Variants in TGM5 observed in about 807,000 individuals in gnomAD.
TGM5 encodes protein-glutamine gamma-glutamyltransferase 5.
TGM5 carries 69 observed loss-of-function variants against 77.2 expected under a neutral mutation model. That is an observed-to-expected ratio of 0.89 (90% confidence interval 0.74 to 1.09). The LOEUF (loss-of-function observed/expected upper bound fraction) is 1.09, where lower values mean the gene tolerates loss of function less well. TGM5 is among the 50% of genes least tolerant of loss of function. The probability of loss-of-function intolerance (pLI) is 0.00; values close to 1 mark genes in which losing one functional copy is unlikely to be tolerated. For synonymous variants in TGM5, 346 were observed against 351.8 expected, an observed-to-expected ratio of 0.98 and a Z score of 0.18; for missense variants, 842 against 896.5, an observed-to-expected ratio of 0.94 and a Z score of 0.78.
chr15:43,249,457 G>A (rs1234541764), intron 6 of TGM5, among the ~76,000 whole-genome samples: 1 of 152,098 alleles, frequency 6.6e-6, no homozygotes, highest in South Asian at 2.1e-4. Context: ...AAGCAACCAC[G>A]CTCTACTTTC....
At position 43,233,574 on chromosome 15, in the gene TGM5, G is replaced by A; in HGVS notation, c.1989C>T (p.Phe663=). ...CVLTVEGSGL[F]KKQQKVFLGV... is the part of the protein sequence containing the mutation. Reference sequence around the variant, plus strand: ...CTTACAAGACTTTCTGCTGTTTCTTGAAGAGGCCACTTCCTTCCACAGTCA... The same window carrying A: ...CTTACAAGACTTTCTGCTGTTTCTTAAAGAGGCCACTTCCTTCCACAGTCA... Residue 663 remains phenylalanine (F), a synonymous_variant, in exon 12 of 13, where the codon TTC becomes TTT. Coordinates refer to ENST00000220420, the MANE Select transcript of TGM5 (RefSeq NM_201631.4). The A allele has an allele frequency of 6.2e-7, 1 of 1,614,176 alleles. No individual in the cohort carries two copies. The highest frequency in any genetic ancestry group is 2.2e-5 in the East Asian group (1 of 44,884).
chr15:43,241,325 A>C, intron 6 of TGM5: 1 of 391,146 alleles, frequency 2.6e-6, no homozygotes. Flanking sequence ...ACTCAACTGC[A>C]TTTCTCTTCT....
chr15:43,240,919 G>A lies in TGM5; in HGVS notation c.934C>T (p.Leu312=). 6.2e-7 allele frequency: 1 copy of A among 1,614,178 alleles called. No individual in the cohort carries two copies. The highest frequency in any genetic ancestry group is 1.1e-5 in the South Asian group (1 of 91,086). ...FDSGHDTDGN[L]IIDEYYDNTG... is the part of the protein sequence containing the mutation. The stretch of plus-strand genomic sequence containing the variant: ...TTGTCATAATACTCATCTATGATCA[G>A]GTTTCCATCTGTATCGTGGCCAGAG... Residue 312 remains leucine, a synonymous_variant, in exon 7 of 13, where the codon CTG becomes TTG. Coordinates refer to ENST00000220420, the MANE Select transcript of TGM5 (RefSeq NM_201631.4).
intron 3 of TGM5, among the ~76,000 whole-genome samples, chr15:43,258,611 C>T (rs1167443546): frequency 2.0e-5 from 3 of 152,224 alleles, no homozygotes; most frequent in East Asian, 3.9e-4. Context: ...GCCAGTGTGG[C>T]GAGAAGCTGC....
intron 10 of TGM5, 116 bp downstream of exon 10, chr15:43,235,353 G>A (rs2042580477): frequency 2.8e-6 from 4 of 1,411,126 alleles, no homozygotes; most frequent in African/African-American, 2.8e-5. Flanking sequence ...CGTGCCAGAG[G>A]GGACAGTAGA....
At chr15:43,253,719 G>A (rs1566834749) in intron 4 of TGM5, 85 bp from the exon 5 acceptor site, 1 of 1,557,360 alleles carries the variant, frequency 6.4e-7, no homozygotes, top group East Asian at 2.2e-5. Flanking sequence ...CCCAACCCTA[G>A]TGGAATATAA....
chr15:43,253,668 A>G (rs2042723634), intron 4 of TGM5, 34 bp from the exon 5 acceptor site: 1 of 1,608,662 alleles, frequency 6.2e-7, no homozygotes, highest in Non-Finnish European at 8.5e-7. Flanking sequence ...GAAGGCACCC[A>G]TGCTTGTCAC....
At chr15:43,233,466 A>G in intron 12 of TGM5, 88 bp downstream of exon 12, 1 of 1,612,758 alleles carries the variant, frequency 6.2e-7, no homozygotes, top group Non-Finnish European at 8.5e-7. Context: ...GGTGTTGTGG[A>G]GTCTGGCTCA....
In TGM5 at chr15:43,235,804, G is replaced by T; in HGVS notation, c.1379C>A (p.Ala460Asp). The change falls in exon 10 of 13, where the codon GCT (alanine) becomes GAT (aspartate). Residue 460 changes from alanine to aspartate, a missense_variant. Physicochemically the swap from Ala to Asp is moderately radical, Grantham distance 126 (BLOSUM62 -2). Coordinates refer to ENST00000220420, the MANE Select transcript of TGM5 (RefSeq NM_201631.4). ...GCTTCTAGCCTTCAGCTTCTGCAGA[G>T]CCTTCAGAAACACCTGCCTCTCCTG... is the stretch of plus-strand genomic sequence containing the variant. ...SLQERQVFLK[A>D]LQKLKARSFH... 1 of 1,614,098 alleles carries T rather than the reference G, an allele frequency of 6.2e-7. No individual in the cohort carries two copies. Among genetic ancestry groups the T allele is most frequent in the Non-Finnish European group, 8.5e-7 (1 of 1,180,026 alleles).
chr15:43,265,967 C>T (rs956838113), intron 1 of TGM5, among the ~76,000 whole-genome samples: 1 of 151,908 alleles, frequency 6.6e-6, no homozygotes, highest in Non-Finnish European at 1.5e-5. Context: ...CATGGATATA[C>T]CAAAAAAGAC....
At chr15:43,233,518 A>G (rs752609596) in intron 12 of TGM5, 36 bp downstream of exon 12, 19 of 1,613,824 alleles carry the variant, frequency 1.2e-5, no homozygotes, top group East Asian at 4.5e-5. Flanking sequence ...CTCAGGGGGG[A>G]AAAACAGGAG....
chr15:43,261,194 A>G (rs1387078015), intron 1 of TGM5, among the ~76,000 whole-genome samples: 2 of 143,526 alleles, frequency 1.4e-5, no homozygotes, highest in South Asian at 2.2e-4. Flanking sequence ...GGTTCACGCC[A>G]TTCTCCTGCC....
At chr15:43,248,994 G>A (rs1050679270) in intron 6 of TGM5, among the ~76,000 whole-genome samples, 1 of 152,156 alleles carries the variant, frequency 6.6e-6, no homozygotes, top group African/African-American at 2.4e-5. Flanking sequence ...GGTTGCTTTA[G>A]TTTAAGAGGG....
intron 4 of TGM5, among the ~76,000 whole-genome samples, chr15:43,256,236 T>C (rs1444278846): frequency 6.6e-6 from 1 of 152,044 alleles, no homozygotes; most frequent in East Asian, 1.9e-4. Context: ...GGAAAAACAG[T>C]TTAATGAACC....
chr15:43,260,018 G>C, intron 3 of TGM5, 34 bp downstream of exon 3: 1 of 1,612,128 alleles, frequency 6.2e-7, no homozygotes, highest in Non-Finnish European at 8.5e-7. Context: ...TGACAGAAGA[G>C]AAAGGAGGGC....
At chr15:43,251,366 G>A (rs1169455915) in intron 6 of TGM5, among the ~76,000 whole-genome samples, 1 of 151,956 alleles carries the variant, frequency 6.6e-6, no homozygotes, top group Non-Finnish European at 1.5e-5. Flanking sequence ...GATGCCTGGG[G>A]CTCTCTGAGC....
intron 11 of TGM5, among the ~76,000 whole-genome samples, chr15:43,234,089 G>T (rs563351886): frequency 6.6e-6 from 1 of 152,290 alleles, no homozygotes; most frequent in South Asian, 2.1e-4. Context: ...GAGACTCAAG[G>T]TCCTTTCCTT....
chr15:43,248,627 G>A (rs893962841), intron 6 of TGM5, among the ~76,000 whole-genome samples: 2 of 152,154 alleles, frequency 1.3e-5, no homozygotes, highest in Non-Finnish European at 2.9e-5. Flanking sequence ...ACAACCTTAC[G>A]AGGGAACATT....
chr15:43,260,209 C>T lies in TGM5; in HGVS notation c.279G>A (p.Glu93=). 4 of 1,614,020 alleles carry T rather than the reference C, an allele frequency of 2.5e-6. No individual in the cohort carries two copies. Among genetic ancestry groups the T allele is most frequent in the Non-Finnish European group, 2.5e-6 (3 of 1,180,036 alleles). Reference sequence around the variant, plus strand: ...CCTCTGTGGAGGTGGCCCCATTGGTCTCCAGCCAGGCAATCCAGGGGCTGG... The same window carrying T: ...CCTCTGTGGAGGTGGCCCCATTGGTTTCCAGCCAGGCAATCCAGGGGCTGG... The part of the protein sequence containing the change: ...HSPSPWIAWL[E]TNGATSTEVS... The change falls in exon 3 of 13, where the codon GAG becomes GAA. Residue 93 remains glutamate (E), a synonymous_variant. Transcript: ENST00000220420.
Sources: allele counts gnomAD v4.1 joint callset (sites outside exome capture counted in the v4.1 genomes callset), GRCh38; gene constraint gnomAD v4.1.1; transcripts MANE v1.5; gene names NCBI Gene and HGNC (gene_info 2026-07-23, HGNC 2026-07-21).